The following FMNL3 variants were observed in gnomAD, a reference collection of about 807,000 sequenced individuals.
The protein encoded by FMNL3 is formin like 3.
Under a neutral mutation model 119.6 loss-of-function variants are expected in FMNL3, and 57 were observed. The observed-to-expected ratio is 0.48, with a 90% CI of 0.39 to 0.59. The LOEUF is 0.59. FMNL3 is among the 20% of genes least tolerant of loss of function. The probability of loss-of-function intolerance (pLI) is 0.00; values close to 1 mark genes in which losing one functional copy is unlikely to be tolerated. For missense variants in FMNL3, 1,053 were observed against 1,323.5 expected, an observed-to-expected ratio of 0.80 and a Z score of 3.17; for synonymous variants, 491 against 507.3, an observed-to-expected ratio of 0.97 and a Z score of 0.43.
intron 1 of FMNL3, among the ~76,000 whole-genome samples, chr12:49,702,990 T>C (rs1944949835): frequency 6.6e-6 from 1 of 152,100 alleles, no homozygotes; most frequent in African/African-American, 2.4e-5. Flanking sequence ...ATGCTACACT[T>C]ACAGAAAAAC....
Position 49,640,827 on chromosome 12 carries a change from G to A in FMNL3, c.*4988C>T, listed in dbSNP as rs556865918. On this transcript the variant is annotated 3_prime_UTR_variant, in exon 26 of 26. Coordinates refer to ENST00000335154, the MANE Select transcript of FMNL3 (RefSeq NM_175736.5). Reference sequence around the variant, plus strand: ...GTTAGCTTGATGAAGGGGAGAGCATGGTGGAAAGGATGTTCCAGGTTAGGT... The same window carrying A: ...GTTAGCTTGATGAAGGGGAGAGCATAGTGGAAAGGATGTTCCAGGTTAGGT... 1.3e-5 allele frequency: 2 copies of A among 152,238 alleles called. No individual in the cohort carries two copies. Among genetic ancestry groups the A allele is most frequent in the Non-Finnish European group, 2.9e-5 (2 of 68,048 alleles). 9.4% of individuals were successfully genotyped at this position (152,238 alleles called of 1,614,324 possible). A position where few individuals can be genotyped will look rare whatever the true frequency, so the allele number is the denominator to read the frequency against.
intron 14 of FMNL3, among the ~76,000 whole-genome samples, chr12:49,651,653 A>G (rs1943406005): frequency 6.6e-6 from 1 of 152,104 alleles, no homozygotes; most frequent in Non-Finnish European, 1.5e-5. Flanking sequence ...CCCAGTTTCT[A>G]TGGCTACAGT....
rs1259745930 is a variant in FMNL3, at chr12:49,691,305, T to C, written c.126+15750A>G. Among the ~76,000 whole-genome samples the C allele has an allele frequency of 2.0e-5, 3 of 152,174 alleles. No homozygotes were observed. The East Asian group carries it at 5.8e-4, about 29-fold the overall frequency. ...CTATTAAAATTATTAGCTATCCTTA[T>C]TCCTAGAAGGCAAGAACCTAGAGAA... is the stretch of plus-strand genomic sequence containing the variant. On this transcript the variant is annotated intron_variant, in intron 1 of 25. Coordinates refer to ENST00000335154, the MANE Select transcript of FMNL3 (RefSeq NM_175736.5).
chr12:49,647,109 C>A lies in FMNL3; in HGVS notation c.2872-100G>T. The A allele has an allele frequency of 6.3e-7, 1 of 1,583,938 alleles. No homozygotes were observed. Among genetic ancestry groups the A allele is most frequent in the South Asian group, 1.1e-5 (1 of 87,478 alleles). On this transcript the variant is annotated intron_variant, in intron 24 of 25. Coordinates refer to ENST00000335154, the MANE Select transcript of FMNL3 (RefSeq NM_175736.5). The surrounding 1 kb of genome is among the most constrained non-coding windows in gnomAD (Gnocchi z 4.9). ...GTCTGAGGATGCCACTGCTTGTGCA[C>A]TGCTAGGAATCCCCAAAGGCCCTCC...
At position 49,652,080 on chromosome 12, in the gene FMNL3, G is replaced by C. The variant is rs1246330703; in HGVS notation, c.1456C>G (p.Leu486Val). ...AGCTCTGCAGGGCCTACTCTGGCCA[G>C]GGCCTCACTGTCCACAGACTCCAGG... ...RGLESVDSEA[L>V]ARVGPAELSE... is the part of the protein sequence containing the mutation. Residue 486 changes from leucine (L) to valine (V), a missense_variant, in exon 14 of 26, where the codon CTG becomes GTG. Physicochemically the swap from Leu to Val is conservative, Grantham distance 32 (BLOSUM62 1). Coordinates refer to ENST00000335154, the MANE Select transcript of FMNL3 (RefSeq NM_175736.5). The C allele has an allele frequency of 3.1e-6, 5 of 1,612,632 alleles. No homozygotes were observed. In the Admixed American group the frequency reaches 6.7e-5, roughly 22 times the overall value.
intron 1 of FMNL3, among the ~76,000 whole-genome samples, chr12:49,704,827 C>T (rs1394099793): frequency 6.6e-6 from 1 of 151,142 alleles, no homozygotes; most frequent in East Asian, 1.9e-4. Context: ...CTCACCAGAA[C>T]AGGATTACCT....
At position 49,647,599 on chromosome 12, in the gene FMNL3, A is replaced by T; in HGVS notation, c.2778+104T>A. The T allele has an allele frequency of 9.1e-7, 1 of 1,093,482 alleles. No homozygotes were observed. The highest frequency in any genetic ancestry group is 1.9e-5 in the Admixed American group (1 of 52,750). The allele number at this position is 1,093,482 out of a possible 1,614,324, so 67.7% of individuals were successfully genotyped here. On this transcript the variant is annotated intron_variant, in intron 23 of 25. Transcript: ENST00000335154. The surrounding 1 kb of genome is among the most constrained non-coding windows in gnomAD (Gnocchi z 4.9). ...CAGCTTGCATCGCTCCCTTCCCAGG[A>T]CTCGGAGGAGGAGTCGGAAAAGGCC...
rs1463432972 is a variant in FMNL3, at chr12:49,649,429, C to T, written c.2304+41G>A. On this transcript the variant is annotated intron_variant, in intron 19 of 25. Transcript: ENST00000335154. This position sits in a 1 kb window ranked among gnomAD's most constrained non-coding sequence, Gnocchi z 5.6. ...TATAGCCCCAGGCCCCCACCTAGGA[C>T]CTGAAAACCCCCAGCACCCCTGTTC... 1 of 1,613,828 alleles carries T rather than the reference C, an allele frequency of 6.2e-7. No homozygotes were observed. Among genetic ancestry groups the T allele is most frequent in the Admixed American group, 1.7e-5 (1 of 60,026 alleles).
chr12:49,668,442 A>C, intron 2 of FMNL3, 29 bp downstream of exon 2: 3 of 1,605,896 alleles, frequency 1.9e-6, no homozygotes, highest in Non-Finnish European at 2.6e-6. Context: ...ACAACTCCCT[A>C]CCTCCCTCCT....
At chr12:49,654,152 C>A in intron 11 of FMNL3, 40 bp downstream of exon 11, 1 of 1,569,388 alleles carries the variant, frequency 6.4e-7, no homozygotes, top group Non-Finnish European at 8.8e-7. Context: ...CTAAACTGAT[C>A]CCAAAGCACC....
intron 1 of FMNL3, among the ~76,000 whole-genome samples, chr12:49,675,594 A>G (rs1057465951): frequency 6.6e-6 from 1 of 152,038 alleles, no homozygotes; most frequent in Non-Finnish European, 1.5e-5. Flanking sequence ...TCTCTCATCT[A>G]TATTTGCCCT....
rs3073937 is a variant in FMNL3 at position 49,645,104 on chromosome 12, C to CAAAAAAA, written c.*704_*710dup. On this transcript the variant is annotated 3_prime_UTR_variant, in exon 26 of 26. Transcript: ENST00000335154. The stretch of plus-strand genomic sequence containing the variant: ...GACCACCATGCTCCTTGTCCCCTGC[C>CAAAAAAA]AAAAAAAAAAAAAAAAAAAAAAAAA... 7 of 55,608 alleles carry CAAAAAAA rather than the reference C, an allele frequency of 1.3e-4. No homozygotes were observed. The highest frequency in any genetic ancestry group is 3.8e-4 in the African/African-American group (5 of 13,290). 3.4% of individuals were successfully genotyped at this position (55,608 alleles called of 1,614,324 possible). A position where few individuals can be genotyped will look rare whatever the true frequency, so the allele number is the denominator to read the frequency against.
At chr12:49,702,042 G>C (rs1944923925) in intron 1 of FMNL3, among the ~76,000 whole-genome samples, 1 of 152,192 alleles carries the variant, frequency 6.6e-6, no homozygotes, top group Non-Finnish European at 1.5e-5. Flanking sequence ...GGTGGCTCAT[G>C]CCTAAAATCC....
chr12:49,670,988 C>T (rs939205836), intron 1 of FMNL3, among the ~76,000 whole-genome samples: 2 of 152,252 alleles, frequency 1.3e-5, no homozygotes, highest in African/African-American at 4.8e-5. Flanking sequence ...TCGCTGCCAT[C>T]TGACCATTTC....
At chr12:49,693,743 G>A (rs977882445) in intron 1 of FMNL3, among the ~76,000 whole-genome samples, 2 of 148,128 alleles carry the variant, frequency 1.4e-5, no homozygotes, top group African/African-American at 5.0e-5. Flanking sequence ...CTGCCTCCTG[G>A]GTTCAAGCAA....
intron 1 of FMNL3, among the ~76,000 whole-genome samples, chr12:49,695,320 A>G (rs1017013391): frequency 2.0e-5 from 3 of 152,094 alleles, no homozygotes; most frequent in African/African-American, 7.2e-5. Context: ...CTTTTTTATT[A>G]ATTTAAAATC....
chr12:49,659,795 C>T, intron 5 of FMNL3: 2 of 985,428 alleles, frequency 2.0e-6, no homozygotes, highest in South Asian at 9.4e-5. Flanking sequence ...TCTTATCATC[C>T]TCACTTCAGG....
At position 49,643,092 on chromosome 12, in the gene FMNL3, C is replaced by A. The variant is rs1185583897; in HGVS notation, c.*2723G>T. The A allele has an allele frequency of 3.1e-6, 5 of 1,590,002 alleles. No individual in the cohort carries two copies. The highest frequency in any genetic ancestry group is 3.4e-6 in the Non-Finnish European group (4 of 1,159,914). ...AAATAAACACTTTGTTTTCCCCTTA[C>A]AATATCTCCCTTGGAGGGAAGTTTG... On this transcript the variant is annotated 3_prime_UTR_variant, in exon 26 of 26. Transcript: ENST00000335154.
At chr12:49,705,785 C>G (rs909449743) in intron 1 of FMNL3, among the ~76,000 whole-genome samples, 4 of 152,178 alleles carry the variant, frequency 2.6e-5, no homozygotes, top group Admixed American at 6.5e-5. Flanking sequence ...GAGGTGCCAG[C>G]GACACCACTT....
Sources: allele counts gnomAD v4.1 joint callset (sites outside exome capture counted in the v4.1 genomes callset), GRCh38; gene constraint gnomAD v4.1.1; non-coding constraint Gnocchi (gnomAD v3.1); transcripts MANE v1.5; gene names NCBI Gene and HGNC (gene_info 2026-07-23, HGNC 2026-07-21).